PTPN22: variants seen among roughly 807,000 people sequenced by gnomAD.
The protein encoded by PTPN22 is tyrosine-protein phosphatase non-receptor type 22.
A neutral mutation model predicts 103.3 loss-of-function variants in PTPN22; 85 were observed. The ratio of observed to expected loss-of-function variants is 0.82; its 90% CI spans 0.69 to 0.99. The LOEUF is 0.99. PTPN22 is among the 50% of genes least tolerant of loss of function. PTPN22 has a pLI of 0.00. For missense variants in PTPN22, 865 were observed against 936.9 expected (o/e 0.92, Z 1.00); for synonymous variants, 323 against 310.2 (o/e 1.04, Z -0.43).
At chr1:113,816,043 A>G (rs1661119897) in intron 20 of PTPN22, among the ~76,000 whole-genome samples, 1 of 152,240 alleles carries the variant, frequency 6.6e-6, no homozygotes, top group Non-Finnish European at 1.5e-5. Context: ...GTAAGAAATG[A>G]AATGTTTGAA....
chr1:113,851,954 T>A, intron 10 of PTPN22, 73 bp downstream of exon 10: 1 of 1,154,678 alleles, frequency 8.7e-7, no homozygotes, highest in Non-Finnish European at 1.2e-6. Flanking sequence ...TCAGCTGTTT[T>A]TGGATGCCTC....
chr1:113,829,941 C>A lies in PTPN22; in HGVS notation c.2134+8G>T. 1 of 1,581,244 alleles carries A rather than the reference C, an allele frequency of 6.3e-7. No homozygotes were observed. Among genetic ancestry groups the A allele is most frequent in the Non-Finnish European group, 8.7e-7 (1 of 1,150,836 alleles). On this transcript the variant is annotated splice_region_variant and intron_variant, in intron 17 of 20. Coordinates refer to ENST00000359785, the Ensembl canonical transcript of PTPN22. The stretch of plus-strand genomic sequence containing the variant: ...ATGATTTTTTTGAGAGAAAGTGCTA[C>A]CACTTACAATCTTCATCGGCAAGAA...
intron 19 of PTPN22, among the ~76,000 whole-genome samples, chr1:113,823,768 T>C (rs912636165): frequency 3.9e-5 from 6 of 152,214 alleles, no homozygotes; most frequent in South Asian, 4.1e-4. Context: ...TTATTTCCCC[T>C]GTTTCCTACC....
intron 19 of PTPN22, among the ~76,000 whole-genome samples, chr1:113,821,009 A>G (rs1661548523): frequency 6.6e-6 from 1 of 150,752 alleles, no homozygotes; most frequent in Non-Finnish European, 1.5e-5. Context: ...AATACTTAAT[A>G]TAAAGTATAA....
chr1:113,825,113 G>T (rs758919772), intron 19 of PTPN22, 29 bp downstream of exon 19: 13 of 1,419,810 alleles, frequency 9.2e-6, no homozygotes, highest in African/African-American at 1.4e-5. Context: ...TTGAGAAAAC[G>T]ATATTTTTAA....
intron 1 of PTPN22, among the ~76,000 whole-genome samples, chr1:113,868,712 C>A (rs1348848834): frequency 6.6e-6 from 1 of 151,876 alleles, no homozygotes; most frequent in Admixed American, 6.6e-5. Flanking sequence ...TATCCCTTGG[C>A]CAGGGTAGGA....
intron 10 of PTPN22, among the ~76,000 whole-genome samples, chr1:113,850,230 AAGGAAGG>A (rs1558043422): frequency 2.1e-3 from 300 of 146,162 alleles, no homozygotes; most frequent in African/African-American, 7.2e-3. Context: ...GGAAGGAAGG[AAGGAAGG>A]AAGGAAGGAA....
At chr1:113,833,072 T>G in intron 16 of PTPN22, 39 bp downstream of exon 16, 1 of 1,534,464 alleles carries the variant, frequency 6.5e-7, no homozygotes, top group Middle Eastern at 1.7e-4. Context: ...CTTCCAATCT[T>G]AGGGCTAAAT....
At chr1:113,861,307 C>G (rs1665571349) in intron 1 of PTPN22, among the ~76,000 whole-genome samples, 1 of 152,134 alleles carries the variant, frequency 6.6e-6, no homozygotes, top group Non-Finnish European at 1.5e-5. Flanking sequence ...GTGGCATGAT[C>G]TCGGTTCACT....
At position 113,833,153 on chromosome 1, in the gene PTPN22, GAA is replaced by G; in HGVS notation, c.2026-17_2026-16del. The G allele has an allele frequency of 6.5e-7, 1 of 1,535,706 alleles. No homozygotes were observed. Among genetic ancestry groups the G allele is most frequent in the Non-Finnish European group, 8.9e-7 (1 of 1,125,004 alleles). ...AGTTTTACACTCTAAAAGAAAAAAA[GAA>G]AGGAAAAGTGAAAGAAGAATATGTA... On this transcript the variant is annotated splice_polypyrimidine_tract_variant and intron_variant, in intron 15 of 20. Transcript: ENST00000359785.
chr1:113,868,921 A>G (rs1666338553), intron 1 of PTPN22, among the ~76,000 whole-genome samples: 1 of 151,036 alleles, frequency 6.6e-6, no homozygotes, highest in South Asian at 2.1e-4. Context: ...GTTTTTAAGC[A>G]GGGAAAAAAT....
chr1:113,856,483 A>G (rs1157162605), intron 6 of PTPN22, 42 bp from the exon 7 acceptor site: 1 of 1,613,554 alleles, frequency 6.2e-7, no homozygotes, highest in Admixed American at 1.7e-5. Context: ...GATTGCAAAG[A>G]CAAGCTCTCT....
intron 2 of PTPN22, 46 bp from the exon 3 acceptor site, chr1:113,859,124 A>G (rs754702723): frequency 1.7e-5 from 27 of 1,603,728 alleles, no homozygotes; most frequent in Non-Finnish European, 1.9e-5. Context: ...GGGCTTAGTC[A>G]GCAGATTTAA....
At chr1:113,829,896 C>A in intron 17 of PTPN22, 53 bp downstream of exon 17, 1 of 1,472,626 alleles carries the variant, frequency 6.8e-7, no homozygotes, top group South Asian at 1.1e-5. Flanking sequence ...TATTGTTAAT[C>A]TTTTAACATT....
intron 11 of PTPN22, among the ~76,000 whole-genome samples, chr1:113,847,253 GATGA>G (rs1664171227): frequency 1.8e-5 from 1 of 54,678 alleles, no homozygotes; most frequent in Non-Finnish European, 3.9e-5. Flanking sequence ...TTTTTTTTTT[GATGA>G]GGCTTTGTAT....
intron 20 of PTPN22, 42 bp downstream of exon 20, chr1:113,819,535 T>G: frequency 6.9e-7 from 1 of 1,443,796 alleles, no homozygotes; most frequent in Non-Finnish European, 9.6e-7. Context: ...AATGAGTAAT[T>G]TAGGTAATTT....
At chr1:113,851,239 A>T (rs979018958) in intron 10 of PTPN22, among the ~76,000 whole-genome samples, 1 of 145,198 alleles carries the variant, frequency 6.9e-6, no homozygotes, top group Non-Finnish European at 1.5e-5. Context: ...TGCAACCTCC[A>T]CCTCGCAGGC....
intron 11 of PTPN22, among the ~76,000 whole-genome samples, chr1:113,847,143 T>G (rs953855102): frequency 7.9e-5 from 12 of 151,588 alleles, no homozygotes; most frequent in African/African-American, 2.9e-4. Flanking sequence ...TCTATTCTGC[T>G]GTTGAACCCA....
chr1:113,838,355 T>C, exon 13 of PTPN22: 3 of 1,598,044 alleles, frequency 1.9e-6, no homozygotes, highest in Non-Finnish European at 2.6e-6. Context: ...GAAGATTCTT[T>C]GATTTCCATT....
Sources: allele counts gnomAD v4.1 joint callset (sites outside exome capture counted in the v4.1 genomes callset), GRCh38; gene constraint gnomAD v4.1.1; transcripts MANE v1.5; gene names NCBI Gene and HGNC (gene_info 2026-07-23, HGNC 2026-07-21).